Variants in CCBE1 observed in about 807,000 individuals in gnomAD.
The protein encoded by CCBE1 is collagen and calcium binding EGF domains 1, also known as collagen and calcium-binding EGF domain-containing protein 1.
In CCBE1, 37 loss-of-function variants were observed where a neutral mutation model predicts 50.0. The observed-to-expected ratio is 0.74, with a 90% CI of 0.57 to 0.97. The LOEUF (loss-of-function observed/expected upper bound fraction) is 0.97, where lower values mean the gene tolerates loss of function less well. CCBE1 is among the 50% of genes least tolerant of loss of function. The pLI, the probability that CCBE1 is intolerant of heterozygous loss-of-function variation, is 0.00. For missense variants in CCBE1, 538 were observed against 523.8 expected, an observed-to-expected ratio of 1.03 and a Z score of -0.26; for synonymous variants, 234 against 203.7, an observed-to-expected ratio of 1.15 and a Z score of -1.27.
intron 2 of CCBE1, among the ~76,000 whole-genome samples, chr18:59,527,595 T>C (rs1914878145): frequency 6.6e-6 from 1 of 152,250 alleles, no homozygotes; most frequent in Non-Finnish European, 1.5e-5. Context: ...CATTGGTCTT[T>C]GTACTTCAGT....
intron 2 of CCBE1, among the ~76,000 whole-genome samples, chr18:59,650,866 G>C (rs896233992): frequency 1.3e-5 from 2 of 151,702 alleles, no homozygotes; most frequent in South Asian, 4.2e-4. Flanking sequence ...AGCAGGAACA[G>C]ATGAGTGATA....
chr18:59,643,150 G>A (rs532008020), intron 2 of CCBE1, among the ~76,000 whole-genome samples: 2 of 151,980 alleles, frequency 1.3e-5, no homozygotes, highest in Non-Finnish European at 1.5e-5. Flanking sequence ...CCCAGATGTC[G>A]TTCATCTGCC....
At chr18:59,566,313 C>A (rs1292448934) in intron 2 of CCBE1, among the ~76,000 whole-genome samples, 2 of 152,142 alleles carry the variant, frequency 1.3e-5, no homozygotes, top group Non-Finnish European at 2.9e-5. Flanking sequence ...TCTCTTGTGA[C>A]CATCTTTGAG....
chr18:59,622,677 T>TA (rs1449860250), intron 2 of CCBE1, among the ~76,000 whole-genome samples: 3 of 148,756 alleles, frequency 2.0e-5, no homozygotes, highest in East Asian at 4.0e-4. Flanking sequence ...GGCATGCGCC[T>TA]ATAATCCCAG....
rs188424375 is a variant in CCBE1 at position 59,504,728 on chromosome 18, C to T, written c.213-24490G>A. 5.3e-5 allele frequency among the ~76,000 whole-genome samples: 8 copies of T among 152,300 alleles called. No individual in the cohort carries two copies. The East Asian group carries it at 1.5e-3, about 29-fold the overall frequency. ...GCTGGAGTCTGCGATGTCCTCCTGC[C>T]TCCACATGTGAAATGAAACTTATCT... On this transcript the variant is annotated intron_variant, in intron 2 of 10. Coordinates refer to ENST00000439986, the MANE Select transcript of CCBE1 (RefSeq NM_133459.4).
chr18:59,512,953 GA>G (rs990765025), intron 2 of CCBE1, among the ~76,000 whole-genome samples: 2 of 152,294 alleles, frequency 1.3e-5, no homozygotes, highest in East Asian at 3.9e-4. Context: ...AGGGAAAAAA[GA>G]AAATGAGACT....
At chr18:59,584,162 A>C (rs937364813) in intron 2 of CCBE1, among the ~76,000 whole-genome samples, 1 of 152,158 alleles carries the variant, frequency 6.6e-6, no homozygotes, top group Non-Finnish European at 1.5e-5. Flanking sequence ...ATGGAATACT[A>C]TGAAGCCATA....
At chr18:59,650,397 T>G (rs1331616235) in intron 2 of CCBE1, among the ~76,000 whole-genome samples, 1 of 150,806 alleles carries the variant, frequency 6.6e-6, no homozygotes, top group African/African-American at 2.4e-5. Context: ...GGTTCCTCCA[T>G]GTAATGACAT....
rs116833921 is a variant in CCBE1, at chr18:59,562,296, A to G, written c.213-82058T>C. On this transcript the variant is annotated intron_variant, in intron 2 of 10. Coordinates refer to ENST00000439986, the MANE Select transcript of CCBE1 (RefSeq NM_133459.4). ...AAACCAATCCATTGGTAAACCAGGA[A>G]CCAATCAGAACCTATCTTTTTAGAT... Among the ~76,000 whole-genome samples, 1,382 of 152,304 alleles carry G rather than the reference A, an allele frequency of 9.1e-3. 16 individuals carry two copies. The highest frequency in any genetic ancestry group is 0.032 in the African/African-American group (1,321 of 41,564).
At chr18:59,500,774 A>C (rs548116817) in intron 2 of CCBE1, among the ~76,000 whole-genome samples, 4 of 152,312 alleles carry the variant, frequency 2.6e-5, no homozygotes, top group African/African-American at 9.6e-5. Flanking sequence ...GCCCAAGGGA[A>C]ACCACACACT....
intron 2 of CCBE1, among the ~76,000 whole-genome samples, chr18:59,549,205 C>A (rs1599002828): frequency 2.0e-5 from 3 of 151,996 alleles, no homozygotes; most frequent in South Asian, 4.2e-4. Flanking sequence ...ATAAAATATT[C>A]CACACTGCAA....
intron 5 of CCBE1, among the ~76,000 whole-genome samples, chr18:59,462,081 A>G (rs765372963): frequency 2.6e-5 from 4 of 152,146 alleles, no homozygotes; most frequent in South Asian, 2.1e-4. Context: ...GTAAAGCTCA[A>G]TGATATAACC....
intron 5 of CCBE1, among the ~76,000 whole-genome samples, chr18:59,457,119 T>C (rs1360930956): frequency 6.6e-6 from 1 of 152,208 alleles, no homozygotes; most frequent in Non-Finnish European, 1.5e-5. Context: ...TCTGCAAAAG[T>C]GGCAGTTTTT....
chr18:59,678,170 G>C (rs2054533728), intron 2 of CCBE1, among the ~76,000 whole-genome samples: 2 of 152,164 alleles, frequency 1.3e-5, no homozygotes, highest in Admixed American at 1.3e-4. Context: ...TAGAAGGAGG[G>C]GGGAGGACTC....
intron 2 of CCBE1, among the ~76,000 whole-genome samples, chr18:59,490,284 C>G (rs76374774): frequency 6.6e-6 from 1 of 151,692 alleles, no homozygotes; most frequent in Non-Finnish European, 1.5e-5. Context: ...CACACCCAGC[C>G]GAGATACTTA....
chr18:59,541,808 TC>T (rs1915476524), intron 2 of CCBE1, among the ~76,000 whole-genome samples: 1 of 152,090 alleles, frequency 6.6e-6, no homozygotes, highest in Admixed American at 6.6e-5. Context: ...TTAGCCTTCT[TC>T]CAGCTGCTAT....
At chr18:59,686,490 C>A (rs1259356392) in intron 2 of CCBE1, among the ~76,000 whole-genome samples, 1 of 152,170 alleles carries the variant, frequency 6.6e-6, no homozygotes, top group Non-Finnish European at 1.5e-5. Context: ...TAAGAGCTTG[C>A]ATATATATAA....
At chr18:59,514,219 GA>G (rs1914262199) in intron 2 of CCBE1, among the ~76,000 whole-genome samples, 1 of 152,114 alleles carries the variant, frequency 6.6e-6, no homozygotes, top group South Asian at 2.1e-4. Context: ...TTACCGATAC[GA>G]AAATTGAGGC....
chr18:59,567,518 G>A (rs1324349945), intron 2 of CCBE1, among the ~76,000 whole-genome samples: 1 of 152,194 alleles, frequency 6.6e-6, no homozygotes, highest in East Asian at 1.9e-4. Context: ...AGCAGACAGC[G>A]ATGGGAAGCA....
Sources: allele counts gnomAD v4.1 joint callset (sites outside exome capture counted in the v4.1 genomes callset), GRCh38; gene constraint gnomAD v4.1.1; transcripts MANE v1.5; gene names NCBI Gene and HGNC (gene_info 2026-07-23, HGNC 2026-07-21).